CDH4: variants seen among roughly 807,000 people sequenced by gnomAD.
The protein encoded by CDH4 is cadherin 4.
In CDH4, 33 loss-of-function variants were observed where a neutral mutation model predicts 86.0. The ratio of observed to expected loss-of-function variants is 0.38; its 90% CI spans 0.29 to 0.51. CDH4 has a LOEUF of 0.51. Ranked by LOEUF, CDH4 falls within the 20% of genes least tolerant of loss-of-function variation. The pLI is 0.86. For missense variants in CDH4, 1,114 were observed against 1,307.4 expected (o/e 0.85, Z 2.28); for synonymous variants, 555 against 549.4 (o/e 1.01, Z -0.14).
chr20:61,481,358 C>T (rs527672861), intron 2 of CDH4, among the ~76,000 whole-genome samples: 2 of 152,322 alleles, frequency 1.3e-5, no homozygotes, highest in East Asian at 3.9e-4. Context: ...CAGCTGGGAA[C>T]TCCTGGTCTG....
In CDH4 at chr20:61,703,030, C is replaced by T. The variant is rs936565527; in HGVS notation, c.170-40533C>T. ...CCTTTCTTCATCTCACTCTGCGTGC[C>T]GTGGTCAGTGCCATGTTTTCGGGTA... is the stretch of plus-strand genomic sequence containing the variant. On this transcript the variant is annotated intron_variant, in intron 2 of 15. Transcript: ENST00000614565. The surrounding 1 kb of genome is among the most constrained non-coding windows in gnomAD (Gnocchi z 4.3). 3.3e-5 allele frequency among the ~76,000 whole-genome samples: 5 copies of T among 152,064 alleles called. No homozygotes were observed. The highest frequency in any genetic ancestry group is 4.4e-5 in the Non-Finnish European group (3 of 68,026).
At chr20:61,596,756 C>T (rs1029787691) in intron 2 of CDH4, among the ~76,000 whole-genome samples, 4 of 152,108 alleles carry the variant, frequency 2.6e-5, no homozygotes, top group Non-Finnish European at 5.9e-5. Flanking sequence ...ATCACTCCTC[C>T]GTGGGGCTGC....
chr20:61,746,216 GGCCCTTGGGCA>G (rs1208742254), intron 3 of CDH4, among the ~76,000 whole-genome samples: 11 of 152,232 alleles, frequency 7.2e-5, no homozygotes, highest in African/African-American at 2.7e-4. Context: ...GAACAAGGCA[GGCCCTTGGGCA>G]GCCTGAGGAC....
Position 61,852,913 on chromosome 20 carries a change from G to C in CDH4, c.877+15G>C. ...CTCCAAGCCAGGTGAGGCCTTTAGC[G>C]TTTGCTTGCTGGAGACCCTGTGGGC... On this transcript the variant is annotated intron_variant, in intron 6 of 15. Transcript: ENST00000614565. 1 of 1,613,068 alleles carries C rather than the reference G, an allele frequency of 6.2e-7. No individual in the cohort carries two copies. Among genetic ancestry groups the C allele is most frequent in the Non-Finnish European group, 8.5e-7 (1 of 1,179,456 alleles).
intron 2 of CDH4, among the ~76,000 whole-genome samples, chr20:61,566,207 C>G (rs1013071300): frequency 6.6e-6 from 1 of 152,260 alleles, no homozygotes; most frequent in Admixed American, 6.5e-5. Context: ...ATGTGGCTGA[C>G]TCCTCCGCTG....
intron 2 of CDH4, among the ~76,000 whole-genome samples, chr20:61,315,174 A>C (rs1158762671): frequency 2.6e-5 from 4 of 151,782 alleles, no homozygotes; most frequent in African/African-American, 9.7e-5. Flanking sequence ...AGCTCATCTC[A>C]TTTCTGGGGC....
At chr20:61,533,247 G>A (rs1433294975) in intron 2 of CDH4, among the ~76,000 whole-genome samples, 1 of 152,224 alleles carries the variant, frequency 6.6e-6, no homozygotes, top group Non-Finnish European at 1.5e-5. Context: ...CCCAGACAAG[G>A]AGTGGCAGGG....
intron 2 of CDH4, among the ~76,000 whole-genome samples, chr20:61,607,550 T>A (rs2086654688): frequency 6.6e-6 from 1 of 152,200 alleles, no homozygotes; most frequent in South Asian, 2.1e-4. Flanking sequence ...CAGGCAACGA[T>A]GTAATAAGAT....
intron 2 of CDH4, among the ~76,000 whole-genome samples, chr20:61,637,282 T>G (rs1320496129): frequency 6.6e-6 from 1 of 152,154 alleles, no homozygotes; most frequent in African/African-American, 2.4e-5. Flanking sequence ...CACGGGTGTA[T>G]CTGTTTAACC....
intron 2 of CDH4, among the ~76,000 whole-genome samples, chr20:61,504,477 A>C (rs969776057): frequency 1.3e-5 from 2 of 152,044 alleles, no homozygotes; most frequent in Non-Finnish European, 2.9e-5. Flanking sequence ...CCTTTAACTC[A>C]GGGGATCTCA....
At chr20:61,832,367 G>A (rs1215248868) in intron 4 of CDH4, among the ~76,000 whole-genome samples, 1 of 152,196 alleles carries the variant, frequency 6.6e-6, no homozygotes, top group East Asian at 1.9e-4. Context: ...CTGTATTAAC[G>A]GCACTGCCTT....
intron 13 of CDH4, among the ~76,000 whole-genome samples, chr20:61,932,775 C>A (rs559226116): frequency 1.3e-5 from 2 of 152,386 alleles, no homozygotes; most frequent in African/African-American, 4.8e-5. Flanking sequence ...CGCACGTGGG[C>A]CGCACATGTG....
At chr20:61,294,322 A>C (rs2084340183) in intron 2 of CDH4, among the ~76,000 whole-genome samples, 1 of 152,158 alleles carries the variant, frequency 6.6e-6, no homozygotes, top group South Asian at 2.1e-4. Flanking sequence ...GGTCTGGGGC[A>C]ACGGGGGTGA....
rs1476026263 is a variant in CDH4, at chr20:61,252,767, G to C, written c.57+197G>C. 4.0e-5 allele frequency among the ~76,000 whole-genome samples: 6 copies of C among 151,564 alleles called. No homozygotes were observed. The highest frequency in any genetic ancestry group is 8.9e-5 in the Non-Finnish European group (6 of 67,782). On this transcript the variant is annotated intron_variant, in intron 1 of 15. Coordinates refer to ENST00000614565, the MANE Select transcript of CDH4 (RefSeq NM_001794.5). This position sits in a 1 kb window ranked among gnomAD's most constrained non-coding sequence, Gnocchi z 4.4. ...AGGAGCGGGAAGCCGCCTGGGCAGC[G>C]GGGAGCGGCGGAGCAGGGTGGGAGT...
At chr20:61,625,072 ATT>A (rs2086817546) in intron 2 of CDH4, among the ~76,000 whole-genome samples, 1 of 152,162 alleles carries the variant, frequency 6.6e-6, no homozygotes, top group Non-Finnish European at 1.5e-5. Context: ...GGCTAGGGAG[ATT>A]CCTGGGCCTC....
intron 2 of CDH4, among the ~76,000 whole-genome samples, chr20:61,294,413 T>A (rs918300763): frequency 5.3e-5 from 8 of 151,960 alleles, no homozygotes; most frequent in African/African-American, 1.9e-4. Flanking sequence ...TGCACTGAGA[T>A]CCCCCCGGGG....
At chr20:61,391,451 C>T (rs2084985195) in intron 2 of CDH4, among the ~76,000 whole-genome samples, 1 of 152,180 alleles carries the variant, frequency 6.6e-6, no homozygotes, top group Admixed American at 6.5e-5. Flanking sequence ...GCCCTCCGAA[C>T]CGCTTTATTG....
chr20:61,389,626 T>C (rs560708361), intron 2 of CDH4, among the ~76,000 whole-genome samples: 2 of 152,262 alleles, frequency 1.3e-5, no homozygotes, highest in African/African-American at 4.8e-5. Flanking sequence ...GTTCTATAGA[T>C]CGACGCTTCT....
chr20:61,599,860 A>G (rs1314777110), intron 2 of CDH4: 1 of 985,418 alleles, frequency 1.0e-6, no homozygotes, highest in Non-Finnish European at 1.2e-6. Flanking sequence ...TTCGCCGCAC[A>G]CAACACAGGA....
Sources: allele counts gnomAD v4.1 joint callset (sites outside exome capture counted in the v4.1 genomes callset), GRCh38; gene constraint gnomAD v4.1.1; non-coding constraint Gnocchi (gnomAD v3.1); transcripts MANE v1.5; gene names NCBI Gene and HGNC (gene_info 2026-07-23, HGNC 2026-07-21).